Variants in TGM7 observed in about 807,000 individuals in gnomAD.
TGM7 encodes protein-glutamine gamma-glutamyltransferase Z.
TGM7 carries 74 observed loss-of-function variants against 79.5 expected under a neutral mutation model. The ratio of observed to expected loss-of-function variants is 0.93; its 90% CI spans 0.77 to 1.13. The LOEUF is 1.13. Among genes scored for constraint, TGM7 ranks in the 50% most tolerant of loss-of-function variants. TGM7 has a pLI of 0.00. For missense variants in TGM7, 912 were observed against 905.9 expected (o/e 1.01, Z -0.09); for synonymous variants, 354 against 362.5 (o/e 0.98, Z 0.27).
chr15:43,296,294 G>A (rs558591969), intron 1 of TGM7, among the ~76,000 whole-genome samples: 32 of 152,036 alleles, frequency 2.1e-4, no homozygotes, highest in Admixed American at 1.3e-3. Context: ...GCGTGGTGGC[G>A]GGCACCTGTA....
chr15:43,285,422 G>C (rs1457980412), intron 6 of TGM7, among the ~76,000 whole-genome samples: 3 of 152,188 alleles, frequency 2.0e-5, no homozygotes, highest in Non-Finnish European at 4.4e-5. Context: ...TGCAGTTCCA[G>C]CTACTAGGGA....
At position 43,279,706 on chromosome 15, in the gene TGM7, C is replaced by G. The variant is rs1338694243; in HGVS notation, c.1597G>C (p.Ala533Pro). 1 of 1,613,852 alleles carries G rather than the reference C, an allele frequency of 6.2e-7. No homozygotes were observed. The highest frequency in any genetic ancestry group is 8.5e-7 in the Non-Finnish European group (1 of 1,180,044). ...GPIGLVVRFC[A>P]QALLHGGGTQ... Reference sequence around the variant, plus strand: ...CCACCCCCATGCAGCAGGGCCTGTGCACAGAAGCGCACCACCAGTCCGATG... The same window carrying G: ...CCACCCCCATGCAGCAGGGCCTGTGGACAGAAGCGCACCACCAGTCCGATG... Residue 533 changes from alanine to proline, a missense_variant, in exon 10 of 13, where the codon GCA (alanine) becomes CCA (proline). By Grantham distance (27) the Ala-to-Pro change is conservative (BLOSUM62 -1). Coordinates refer to ENST00000452443, the MANE Select transcript of TGM7 (RefSeq NM_052955.3).
Position 43,290,714 on chromosome 15 carries a change from ATTTG to A in TGM7, c.558+1261_558+1264del, listed in dbSNP as rs565486220. Among the ~76,000 whole-genome samples the A allele has an allele frequency of 2.4e-3, 369 of 152,258 alleles. 1 individual carries two copies. The highest frequency in any genetic ancestry group is 8.6e-3 in the African/African-American group (357 of 41,562). ...ACCCATGAGCATGGAATGTTCTTCCATTTGTTTGTATCCTCTTTTATTTCATTGA... is the reference window on the plus strand; with the variant it reads ...ACCCATGAGCATGGAATGTTCTTCCATTTGTATCCTCTTTTATTTCATTGA... On this transcript the variant is annotated intron_variant, in intron 4 of 12. Transcript: ENST00000452443.
At chr15:43,286,662 T>C (rs565006919) in intron 6 of TGM7, among the ~76,000 whole-genome samples, 4 of 152,296 alleles carry the variant, frequency 2.6e-5, no homozygotes, top group South Asian at 4.2e-4. Context: ...CTCCATAATG[T>C]AGCAGGACAG....
chr15:43,294,633 T>C (rs1240254058), intron 1 of TGM7, among the ~76,000 whole-genome samples: 1 of 152,198 alleles, frequency 6.6e-6, no homozygotes, highest in Non-Finnish European at 1.5e-5. Flanking sequence ...TTGCTGGCAA[T>C]GTTTAGATTG....
rs367892525 is a variant in TGM7, at chr15:43,301,274, C to T, written c.10+967G>A. Among the ~76,000 whole-genome samples the T allele has an allele frequency of 2.6e-5, 4 of 152,042 alleles. No individual in the cohort carries two copies. The East Asian group carries it at 5.9e-4, about 22-fold the overall frequency. ...CTGGGATTACAGGCCTGTGCCACCACGCCCAGTGTGAGACACAGTGCCTGG... is the reference window on the plus strand; with the variant it reads ...CTGGGATTACAGGCCTGTGCCACCATGCCCAGTGTGAGACACAGTGCCTGG... On this transcript the variant is annotated intron_variant, in intron 1 of 12. Transcript: ENST00000452443.
chr15:43,295,427 C>G (rs1269289026), intron 1 of TGM7, among the ~76,000 whole-genome samples: 1 of 152,166 alleles, frequency 6.6e-6, no homozygotes, highest in Admixed American at 6.5e-5. Flanking sequence ...CCTGCATCTA[C>G]TAAAATACAA....
intron 7 of TGM7, among the ~76,000 whole-genome samples, chr15:43,283,536 C>G (rs955795390): frequency 1.3e-5 from 2 of 151,864 alleles, no homozygotes; most frequent in Non-Finnish European, 2.9e-5. Context: ...GGAGATATTA[C>G]CTAGTGGTGA....
At chr15:43,296,915 A>C (rs934825419) in intron 1 of TGM7, among the ~76,000 whole-genome samples, 6 of 152,208 alleles carry the variant, frequency 3.9e-5, no homozygotes, top group African/African-American at 1.4e-4. Context: ...TTTCAAAAGC[A>C]GGAAAAGAAA....
At chr15:43,290,549 C>A (rs952340905) in intron 4 of TGM7, among the ~76,000 whole-genome samples, 5 of 152,180 alleles carry the variant, frequency 3.3e-5, no homozygotes, top group African/African-American at 1.2e-4. Context: ...GCAATGCAGG[C>A]TCTTTTTGGG....
At position 43,279,157 on chromosome 15, in the gene TGM7, A is replaced by G; in HGVS notation, c.1799T>C (p.Leu600Pro). Residue 600 changes from leucine (L) to proline (P), a missense_variant, in exon 11 of 13, where the codon CTA (leucine) becomes CCA (proline). Physicochemically the swap from Leu to Pro is moderately conservative, Grantham distance 98. Coordinates refer to ENST00000452443, the MANE Select transcript of TGM7 (RefSeq NM_052955.3). ...GGGAGGCTCCAGACAGATATCTTTT[A>G]GGACCAGCATGGACCTCCCTGTCTC... ...VEETGRSMLV[L>P]KDICLEPPHL... The G allele has an allele frequency of 6.2e-7, 1 of 1,614,154 alleles. No individual in the cohort carries two copies. Among genetic ancestry groups the G allele is most frequent in the Non-Finnish European group, 8.5e-7 (1 of 1,180,020 alleles).
intron 4 of TGM7, among the ~76,000 whole-genome samples, chr15:43,288,687 C>A (rs948639952): frequency 6.6e-6 from 1 of 152,004 alleles, no homozygotes; most frequent in Admixed American, 6.6e-5. Flanking sequence ...CCCAGTACTT[C>A]GAGAGGCCGA....
At chr15:43,301,985 A>T in intron 1 of TGM7, 1 of 553,982 alleles carries the variant, frequency 1.8e-6, no homozygotes, top group Non-Finnish European at 3.2e-6. Context: ...AGACTTCCCA[A>T]GGCCATTTCA....
At chr15:43,283,529 G>A (rs1032650554) in intron 7 of TGM7, among the ~76,000 whole-genome samples, 2 of 151,644 alleles carry the variant, frequency 1.3e-5, no homozygotes, top group Admixed American at 1.3e-4. Flanking sequence ...GTTTCATGGA[G>A]ATATTACCTA....
rs1168042012 is a variant in TGM7, at chr15:43,279,837, G to C, written c.1466C>G (p.Pro489Arg). ...GGCCAGGTGAAGCTGCAGCTGCGCT[G>C]GCTGATCCCTAAGACCCCCAGACTC... ...LLESGGLRDQ[P>R]AQLQLHLARI... is the part of the protein sequence containing the mutation. The change falls in exon 10 of 13, where the codon CCA (proline) becomes CGA (arginine). Residue 489 changes from proline to arginine, a missense_variant. By Grantham distance (103) the Pro-to-Arg change is moderately radical (BLOSUM62 -2). Transcript: ENST00000452443. 6.2e-7 allele frequency: 1 copy of C among 1,614,116 alleles called. No homozygotes were observed. The highest frequency in any genetic ancestry group is 2.2e-5 in the East Asian group (1 of 44,896).
chr15:43,281,875 C>G lies in TGM7; in HGVS notation c.1320G>C (p.Gln440His). ...GGTACTTGTAGGAGCTGGTGATGCTCTGGCGCTGGTCTGACCCCACCATCT... is the reference window on the plus strand; with the variant it reads ...GGTACTTGTAGGAGCTGGTGATGCTGTGGCGCTGGTCTGACCCCACCATCT... ...STKMVGSDQR[Q>H]SITSSYKYPE... Residue 440 changes from glutamine to histidine, a missense_variant, in exon 9 of 13, where the codon CAG becomes CAC. By Grantham distance (24) the Gln-to-His change is conservative. Coordinates refer to ENST00000452443, the MANE Select transcript of TGM7 (RefSeq NM_052955.3). The G allele has an allele frequency of 6.2e-7, 1 of 1,614,234 alleles. No individual in the cohort carries two copies. The highest frequency in any genetic ancestry group is 8.5e-7 in the Non-Finnish European group (1 of 1,180,030).
At chr15:43,282,162 G>T in intron 8 of TGM7, 76 bp from the exon 9 acceptor site, 1 of 1,570,698 alleles carries the variant, frequency 6.4e-7, no homozygotes, top group South Asian at 1.1e-5. Flanking sequence ...GATGGGATAG[G>T]CAGCGGCACC....
intron 1 of TGM7, among the ~76,000 whole-genome samples, chr15:43,298,108 A>G (rs2043009143): frequency 6.6e-6 from 1 of 152,246 alleles, no homozygotes; most frequent in Non-Finnish European, 1.5e-5. Context: ...TGTTCCTGAC[A>G]TACAGGAAGG....
intron 7 of TGM7, among the ~76,000 whole-genome samples, chr15:43,283,623 T>C (rs1177934950): frequency 1.3e-5 from 2 of 152,252 alleles, no homozygotes; most frequent in Non-Finnish European, 2.9e-5. Context: ...CATTTTGGGC[T>C]TGTCTGATGT....
Sources: gnomAD v4.1 joint callset for allele counts (sites outside exome capture counted in the v4.1 genomes callset) on GRCh38, gnomAD v4.1.1 for gene constraint, MANE v1.5 for transcripts, NCBI Gene and HGNC (gene_info 2026-07-23, HGNC 2026-07-21) for gene names.